The following PCSK5 variants were observed in gnomAD, a reference collection of about 807,000 sequenced individuals.
PCSK5 encodes prohormone convertase 5.
Under a neutral mutation model 233.2 loss-of-function variants are expected in PCSK5, and 129 were observed. The observed-to-expected ratio is 0.55, with a 90% CI of 0.48 to 0.64. PCSK5 has a LOEUF of 0.64. Ranked by LOEUF, PCSK5 falls within the 30% of genes least tolerant of loss-of-function variation. PCSK5 has a pLI of 0.00. For missense variants in PCSK5, 2,076 were observed against 2,430.1 expected, an observed-to-expected ratio of 0.85 and a Z score of 3.06; for synonymous variants, 825 against 879.2, an observed-to-expected ratio of 0.94 and a Z score of 1.09.
chr9:76,064,809 G>A (rs912395108), intron 5 of PCSK5, among the ~76,000 whole-genome samples: 3 of 150,030 alleles, frequency 2.0e-5, no homozygotes, highest in South Asian at 2.1e-4. Context: ...CATCTCAGAC[G>A]ATGGGCGGCC....
At chr9:76,192,917 T>A (rs1224598004) in intron 20 of PCSK5, among the ~76,000 whole-genome samples, 1 of 152,150 alleles carries the variant, frequency 6.6e-6, no homozygotes, top group Non-Finnish European at 1.5e-5. Flanking sequence ...CTGCTCTAGG[T>A]ATCTCAAAGA....
chr9:76,157,138 T>C lies in PCSK5; in HGVS notation c.1406T>C (p.Val469Ala). 2.5e-6 allele frequency: 4 copies of C among 1,612,946 alleles called. No individual in the cohort carries two copies. The highest frequency in any genetic ancestry group is 3.4e-6 in the Non-Finnish European group (4 of 1,179,398). The change falls in exon 11 of 38, where the codon GTG becomes GCG. Residue 469 changes from valine to alanine, a missense_variant. Around this residue, in one of 6 missense-constraint regions of PCSK5, gnomAD observed 64 missense variants for 68.6 expected, o/e 0.93. Transcript: ENST00000674117. ...ACCGTTCCCCGGCAGCACGTGTGTG[T>C]GGAGAGCACAGACCGACAAATCAAG... ...WTTVPRQHVC[V>A]ESTDRQIKTI...
intron 20 of PCSK5, chr9:76,209,466 C>T (rs1436763904): frequency 7.9e-6 from 4 of 505,684 alleles, no homozygotes; most frequent in South Asian, 5.8e-5. Flanking sequence ...CTGTGTTTTG[C>T]CTACTACTGT....
Position 76,056,210 on chromosome 9 carries a change from T to A in PCSK5, c.633-11745T>A, listed in dbSNP as rs551820233. 4.6e-5 allele frequency among the ~76,000 whole-genome samples: 7 copies of A among 152,258 alleles called. No homozygotes were observed. The East Asian group carries it at 1.4e-3, about 29-fold the overall frequency. On this transcript the variant is annotated intron_variant, in intron 5 of 37. Coordinates refer to ENST00000674117, the MANE Select transcript of PCSK5 (RefSeq NM_001372043.1). ...ACTTGCCATTGCTTGATAACCTATA[T>A]GTATAATTGTGACTGTCAAGCAATG...
chr9:75,943,824 A>T (rs1398568517), intron 2 of PCSK5, among the ~76,000 whole-genome samples: 2 of 152,346 alleles, frequency 1.3e-5, no homozygotes, highest in Admixed American at 6.5e-5. Flanking sequence ...TGCCATTAAA[A>T]TAATGTCATA....
intron 2 of PCSK5, among the ~76,000 whole-genome samples, chr9:75,937,322 G>A (rs147563990): frequency 0.046 from 6,943 of 152,024 alleles, 210 homozygotes; most frequent in African/African-American, 0.072. Flanking sequence ...GGGATTACAG[G>A]CATCTGCCAC....
chr9:76,331,036 G>A (rs1829518450), intron 33 of PCSK5, among the ~76,000 whole-genome samples: 1 of 152,164 alleles, frequency 6.6e-6, no homozygotes, highest in African/African-American at 2.4e-5. Context: ...TAGAATTGAG[G>A]CTTCAGTGCT....
Position 76,351,508 on chromosome 9 carries a change from GAAA to G in PCSK5, c.5067+581_5067+583del, listed in dbSNP as rs1564196820. Among the ~76,000 whole-genome samples the G allele has an allele frequency of 6.3e-4, 68 of 108,158 alleles. 4 individuals are homozygous for G. Among genetic ancestry groups the G allele is most frequent in the African/African-American group, 2.1e-3 (62 of 29,364 alleles). 71.0% of individuals were successfully genotyped at this position (108,158 alleles called of 152,430 possible). ...AGAAAGAAAGAAAGAAAGAAAGAAA[GAAA>G]GAAAGAAAGAAAGAAAGAAAGGAAG... On this transcript the variant is annotated intron_variant, in intron 36 of 37. Transcript: ENST00000674117.
At chr9:75,991,028 ACTTTCATGTGTATTAT>A (rs1826746433) in intron 3 of PCSK5, among the ~76,000 whole-genome samples, 1 of 152,208 alleles carries the variant, frequency 6.6e-6, no homozygotes, top group African/African-American at 2.4e-5. Context: ...ATTTTGCCAC[ACTTTCATGTGTATTAT>A]CTTATCGCCA....
intron 1 of PCSK5, among the ~76,000 whole-genome samples, chr9:75,920,874 T>C (rs1202476181): frequency 6.6e-6 from 1 of 152,106 alleles, no homozygotes; most frequent in Admixed American, 6.6e-5. Flanking sequence ...TAGCCTCTGT[T>C]TACCAGTATG....
intron 1 of PCSK5, among the ~76,000 whole-genome samples, chr9:75,915,616 G>A (rs1178090557): frequency 6.6e-6 from 1 of 152,146 alleles, no homozygotes; most frequent in Non-Finnish European, 1.5e-5. Context: ...TTTGAACAAT[G>A]CAAATAAAAC....
intron 24 of PCSK5, among the ~76,000 whole-genome samples, chr9:76,260,636 T>A (rs1234979882): frequency 6.6e-6 from 1 of 152,188 alleles, no homozygotes; most frequent in Admixed American, 6.5e-5. Flanking sequence ...AACCGAATTC[T>A]GTCAACAGCC....
At chr9:76,041,285 T>C (rs193056091) in intron 5 of PCSK5, among the ~76,000 whole-genome samples, 1 of 152,330 alleles carries the variant, frequency 6.6e-6, no homozygotes, top group East Asian at 1.9e-4. Flanking sequence ...AGAAGACTTC[T>C]GGAGGCAATA....
At chr9:76,267,410 C>A (rs1272861227) in intron 24 of PCSK5, among the ~76,000 whole-genome samples, 1 of 152,110 alleles carries the variant, frequency 6.6e-6, no homozygotes, top group Non-Finnish European at 1.5e-5. Context: ...AGCCTGCTTT[C>A]TACTTTATGT....
chr9:76,153,835 G>A (rs1265312926), intron 10 of PCSK5, among the ~76,000 whole-genome samples: 2 of 152,056 alleles, frequency 1.3e-5, no homozygotes, highest in Non-Finnish European at 2.9e-5. Flanking sequence ...ATTTATGAAA[G>A]CCCTGCTCCA....
intron 1 of PCSK5, among the ~76,000 whole-genome samples, chr9:75,907,903 T>C (rs1245382883): frequency 6.6e-6 from 1 of 152,208 alleles, no homozygotes; most frequent in Non-Finnish European, 1.5e-5. Flanking sequence ...AAGGGTCCTC[T>C]GTATAAAATA....
At chr9:76,271,598 G>A (rs1827513122) in intron 24 of PCSK5, among the ~76,000 whole-genome samples, 1 of 152,110 alleles carries the variant, frequency 6.6e-6, no homozygotes, top group African/African-American at 2.4e-5. Flanking sequence ...CACTTTGGAA[G>A]GCCAGGGCAG....
intron 7 of PCSK5, among the ~76,000 whole-genome samples, chr9:76,092,520 C>T (rs906579953): frequency 1.3e-5 from 2 of 152,166 alleles, no homozygotes; most frequent in Admixed American, 6.5e-5. Context: ...ACCCCAGCCT[C>T]CCCAGAAGCC....
At chr9:76,090,982 G>A (rs115519969) in intron 7 of PCSK5, among the ~76,000 whole-genome samples, 91 of 151,984 alleles carry the variant, frequency 6.0e-4, no homozygotes, top group African/African-American at 2.1e-3. Context: ...AGGTTCGAGC[G>A]CCTGTGAGAA....
Sources: allele counts gnomAD v4.1 joint callset (sites outside exome capture counted in the v4.1 genomes callset), GRCh38; gene constraint gnomAD v4.1.1; regional missense constraint gnomAD v4.1.1; transcripts MANE v1.5; gene names NCBI Gene and HGNC (gene_info 2026-07-23, HGNC 2026-07-21).